Variants in LRP1B observed in about 807,000 individuals in gnomAD.
The protein encoded by LRP1B is low-density lipoprotein receptor-related protein 1B.
LRP1B carries 217 observed loss-of-function variants against 556.6 expected under a neutral mutation model. The ratio of observed to expected loss-of-function variants is 0.39; its 90% CI spans 0.35 to 0.44. LRP1B has a LOEUF of 0.44. Among genes scored for constraint, LRP1B ranks in the 20% least tolerant of loss-of-function variants. The pLI is 1.00. For synonymous variants in LRP1B, 2,047 were observed against 1,865.8 expected (o/e 1.10, Z -2.50); for missense variants, 5,053 against 5,620.8 (o/e 0.90, Z 3.23).
intron 32 of LRP1B, among the ~76,000 whole-genome samples, chr2:140,801,028 T>C (rs992417051): frequency 6.6e-6 from 1 of 152,194 alleles, no homozygotes; most frequent in Non-Finnish European, 1.5e-5. Flanking sequence ...GCTGAAAATA[T>C]ATTTTGGTCA....
At chr2:140,731,144 C>T (rs1687762741) in intron 35 of LRP1B, among the ~76,000 whole-genome samples, 1 of 152,198 alleles carries the variant, frequency 6.6e-6, no homozygotes, top group South Asian at 2.1e-4. Context: ...GCCAGGAAAC[C>T]TTACTGACTA....
intron 6 of LRP1B, among the ~76,000 whole-genome samples, chr2:141,227,406 T>G (rs1446374237): frequency 6.6e-6 from 1 of 152,216 alleles, no homozygotes; most frequent in Non-Finnish European, 1.5e-5. Flanking sequence ...AGTTTCTAGC[T>G]GCTGCCTAAG....
chr2:141,139,895 C>T (rs1025168274), intron 7 of LRP1B, among the ~76,000 whole-genome samples: 3 of 151,082 alleles, frequency 2.0e-5, no homozygotes, highest in African/African-American at 7.3e-5. Flanking sequence ...TACTTGTACA[C>T]AAATGATTAT....
intron 55 of LRP1B, among the ~76,000 whole-genome samples, chr2:140,496,954 C>T (rs538872875): frequency 7.3e-5 from 11 of 149,972 alleles, no homozygotes; most frequent in Non-Finnish European, 1.5e-5. Context: ...AAACTGATGG[C>T]AGAGCTTTGA....
In LRP1B at chr2:141,442,400, C is replaced by T. The variant is rs191806833; in HGVS notation, c.343+37996G>A. Among the ~76,000 whole-genome samples, 64 of 147,228 alleles carry T rather than the reference C, an allele frequency of 4.3e-4. No homozygotes were observed. In the East Asian group the frequency reaches 0.012, roughly 27 times the overall value. ...AATATACTACTGTTTTCTGAAAGGT[C>T]TGTATGTTTTAATCTTCACACATTC... On this transcript the variant is annotated intron_variant, in intron 3 of 90. Transcript: ENST00000389484.
intron 22 of LRP1B, among the ~76,000 whole-genome samples, chr2:140,905,302 G>A (rs558035130): frequency 2.0e-5 from 3 of 152,106 alleles, no homozygotes; most frequent in Non-Finnish European, 4.4e-5. Context: ...AACAGCTTAA[G>A]TCTACGTCCC....
At chr2:140,312,551 A>C (rs759929055) in intron 83 of LRP1B, among the ~76,000 whole-genome samples, 5 of 152,102 alleles carry the variant, frequency 3.3e-5, no homozygotes, top group South Asian at 2.1e-4. Context: ...ATGATGCATA[A>C]AATCTTTCAA....
intron 86 of LRP1B, among the ~76,000 whole-genome samples, chr2:140,268,220 G>A (rs1283006328): frequency 6.6e-6 from 1 of 151,918 alleles, no homozygotes; most frequent in African/African-American, 2.4e-5. Context: ...ACTCTGAAAT[G>A]TTAATGAATC....
chr2:141,202,791 G>A (rs1032676630), intron 6 of LRP1B, among the ~76,000 whole-genome samples: 2 of 151,838 alleles, frequency 1.3e-5, no homozygotes, highest in Non-Finnish European at 2.9e-5. Flanking sequence ...TGCAGAACGT[G>A]CAGTTTTATT....
chr2:141,912,468 G>T (rs1699929121), intron 1 of LRP1B, among the ~76,000 whole-genome samples: 2 of 152,120 alleles, frequency 1.3e-5, no homozygotes, highest in Non-Finnish European at 2.9e-5. Flanking sequence ...AACGGAAAAA[G>T]GCTCGGGGCA....
intron 18 of LRP1B, among the ~76,000 whole-genome samples, 170 bp from the exon 19 acceptor site, chr2:140,952,110 A>C (rs1378917918): frequency 6.6e-6 from 1 of 152,212 alleles, no homozygotes; most frequent in East Asian, 1.9e-4. Flanking sequence ...GACATAGGAC[A>C]CACATACTTT....
At chr2:140,578,241 A>T (rs927317531) in intron 43 of LRP1B, among the ~76,000 whole-genome samples, 1 of 144,060 alleles carries the variant, frequency 6.9e-6, no homozygotes, top group African/African-American at 2.5e-5. Flanking sequence ...AGCCTGGTCT[A>T]TCAAAGCTAA....
intron 58 of LRP1B, among the ~76,000 whole-genome samples, chr2:140,485,996 CCAA>C (rs796831017): frequency 1.5e-4 from 23 of 151,902 alleles, no homozygotes; most frequent in African/African-American, 5.1e-4. Context: ...GAAGAAAACA[CCAA>C]CGAGAATAGG....
chr2:140,266,880 T>C (rs1051183657), intron 86 of LRP1B, among the ~76,000 whole-genome samples: 5 of 152,048 alleles, frequency 3.3e-5, no homozygotes, highest in African/African-American at 1.2e-4. Flanking sequence ...GCCATTCATC[T>C]TCCTAAAATG....
At chr2:141,045,506 C>A (rs1470161767) in intron 11 of LRP1B, among the ~76,000 whole-genome samples, 1 of 151,768 alleles carries the variant, frequency 6.6e-6, no homozygotes. Context: ...ACAATTACAC[C>A]TGGCAAGAAT....
At chr2:140,695,238 C>T (rs1302116289) in intron 41 of LRP1B, among the ~76,000 whole-genome samples, 2 of 152,212 alleles carry the variant, frequency 1.3e-5, no homozygotes, top group Non-Finnish European at 2.9e-5. Flanking sequence ...TCTTAAACTG[C>T]AGCCCTCTCT....
At chr2:141,084,874 C>T (rs1469787684) in intron 7 of LRP1B, among the ~76,000 whole-genome samples, 5 of 152,196 alleles carry the variant, frequency 3.3e-5, no homozygotes, top group East Asian at 3.9e-4. Flanking sequence ...TGGTCTCGAT[C>T]TCCTGACCTC....
At chr2:141,597,039 A>G (rs1341334588) in intron 2 of LRP1B, among the ~76,000 whole-genome samples, 1 of 143,750 alleles carries the variant, frequency 7.0e-6, no homozygotes, top group African/African-American at 2.8e-5. Flanking sequence ...GCACAAACAC[A>G]TAAGTTCTGA....
At chr2:142,046,753 C>T (rs1704274311) in intron 1 of LRP1B, among the ~76,000 whole-genome samples, 1 of 151,876 alleles carries the variant, frequency 6.6e-6, no homozygotes, top group Admixed American at 6.6e-5. Flanking sequence ...TCCTGATGTC[C>T]TAGCAAAATT....
Sources: allele counts gnomAD v4.1 joint callset (sites outside exome capture counted in the v4.1 genomes callset), GRCh38; gene constraint gnomAD v4.1.1; transcripts MANE v1.5; gene names NCBI Gene and HGNC (gene_info 2026-07-23, HGNC 2026-07-21).